CLTRN: variants seen among roughly 807,000 people sequenced by gnomAD.
CLTRN encodes collectrin, amino acid transport regulator.
A neutral mutation model predicts 14.5 loss-of-function variants in CLTRN; 12 were observed. The observed-to-expected ratio is 0.83, with a 90% CI of 0.53 to 1.34. The LOEUF (loss-of-function observed/expected upper bound fraction) is 1.34, where lower values mean the gene tolerates loss of function less well. CLTRN is among the 40% of genes most tolerant of loss of function. The pLI is 0.00. For synonymous variants in CLTRN, 58 were observed against 56.5 expected (o/e 1.03, Z -0.12); for missense variants, 154 against 165.1 (o/e 0.93, Z 0.37).
At chrX:15,635,725 A>G (rs1021024989) in intron 5 of CLTRN, among the ~76,000 whole-genome samples, 8 of 112,173 alleles carry the variant, frequency 7.1e-5, no homozygotes, top group Non-Finnish European at 1.5e-4. Context: ...GGTCTGGGCA[A>G]TGACCCCAAA....
At chrX:15,646,485 CAGAA>C in intron 3 of CLTRN, 2 of 302,806 alleles carry the variant, frequency 6.6e-6, no homozygotes, top group Admixed American at 3.6e-5. Flanking sequence ...ACCCCCGCGC[CAGAA>C]GCACTGGGCC....
intron 1 of CLTRN, among the ~76,000 whole-genome samples, chrX:15,674,478 T>C (rs537445698): frequency 2.7e-5 from 3 of 112,266 alleles, no homozygotes; most frequent in African/African-American, 3.2e-5. Context: ...TTTATCTCCA[T>C]ATCGGGTTAA....
intron 3 of CLTRN, among the ~76,000 whole-genome samples, chrX:15,653,505 C>T (rs1421301893): frequency 1.8e-5 from 2 of 110,956 alleles, no homozygotes; most frequent in Non-Finnish European, 3.8e-5. Flanking sequence ...CTTCTTCCTC[C>T]TCTTTTTCCT....
chrX:15,633,872 C>A (rs1247580731), intron 5 of CLTRN, among the ~76,000 whole-genome samples: 2 of 112,207 alleles, frequency 1.8e-5, no homozygotes, highest in East Asian at 2.8e-4. Flanking sequence ...TAGGCAAGGA[C>A]CATCCATGTT....
chrX:15,651,154 T>C (rs1039253671), intron 3 of CLTRN, among the ~76,000 whole-genome samples: 1 of 111,587 alleles, frequency 9.0e-6, no homozygotes, highest in Admixed American at 9.5e-5. Context: ...TTGTGTCCAC[T>C]GCACCTCAAT....
chrX:15,659,149 G>A, intron 2 of CLTRN, 48 bp from the exon 3 acceptor site: 1 of 706,940 alleles, frequency 1.4e-6, no homozygotes, highest in South Asian at 2.3e-5. Flanking sequence ...ATGGTCCATT[G>A]GTTCTACTTG....
At chrX:15,657,810 A>G (rs981773357) in intron 3 of CLTRN, among the ~76,000 whole-genome samples, 4 of 112,068 alleles carry the variant, frequency 3.6e-5, no homozygotes, top group Non-Finnish European at 5.6e-5. Flanking sequence ...TTTATTATAT[A>G]CCTTCTTTTC....
intron 5 of CLTRN, among the ~76,000 whole-genome samples, chrX:15,634,992 C>A (rs1232511611): frequency 2.7e-5 from 3 of 110,825 alleles, no homozygotes; most frequent in African/African-American, 9.8e-5. Context: ...GCTTTTCCAA[C>A]TTCTTTCCTT....
At chrX:15,641,650 G>GTGTT (rs1299945914) in intron 4 of CLTRN, among the ~76,000 whole-genome samples, 1 of 108,067 alleles carries the variant, frequency 9.3e-6, no homozygotes, top group African/African-American at 3.4e-5. Flanking sequence ...GTGTGTGTGT[G>GTGTT]TGTGTGTGTG....
intron 3 of CLTRN, 98 bp from the exon 4 acceptor site, chrX:15,645,127 T>C (rs756753318): frequency 4.9e-5 from 21 of 429,062 alleles, no homozygotes; most frequent in Non-Finnish European, 7.4e-5. Flanking sequence ...AGAGACATCT[T>C]AGCTATGTTT....
intron 5 of CLTRN, among the ~76,000 whole-genome samples, chrX:15,633,940 C>T (rs910446781): frequency 8.9e-6 from 1 of 111,759 alleles, no homozygotes; most frequent in African/African-American, 3.3e-5. Flanking sequence ...AATGGATGGT[C>T]AATAAAACAA....
In CLTRN at chrX:15,627,500, A is replaced by G. The variant is rs1273593216; in HGVS notation, c.*471T>C. On this transcript the variant is annotated 3_prime_UTR_variant, in exon 6 of 6. Coordinates refer to ENST00000380342, the MANE Select transcript of CLTRN (RefSeq NM_020665.6). ...CCTGTATATGAGTAATTCCATTTTTATCCATCCATTTACAATAATTACTTC... is the reference window on the plus strand; with the variant it reads ...CCTGTATATGAGTAATTCCATTTTTGTCCATCCATTTACAATAATTACTTC... 8.9e-6 allele frequency: 1 copy of G among 112,468 alleles called. No individual in the cohort carries two copies. Among genetic ancestry groups the G allele is most frequent in the Non-Finnish European group, 1.9e-5 (1 of 53,302 alleles). The allele number at this position is 112,468 out of a possible 1,213,427, so 9.3% of individuals were successfully genotyped here.
intron 5 of CLTRN, among the ~76,000 whole-genome samples, chrX:15,631,591 G>C (rs138046206): frequency 2.7e-3 from 306 of 112,497 alleles, no homozygotes; most frequent in African/African-American, 9.3e-3. Flanking sequence ...TAAAAAGGAA[G>C]ATGTAAACAA....
upstream of CLTRN, among the ~76,000 whole-genome samples, chrX:15,666,430 A>G (rs1929623186): frequency 9.0e-6 from 1 of 111,652 alleles, no homozygotes; most frequent in African/African-American, 3.3e-5. Flanking sequence ...ATTCCACCCC[A>G]TTCCTCAAAA....
chrX:15,634,983 C>CT (rs1430538188), intron 5 of CLTRN, among the ~76,000 whole-genome samples: 5 of 109,426 alleles, frequency 4.6e-5, no homozygotes, highest in African/African-American at 1.7e-4. Context: ...AAAAAAATCG[C>CT]TTTTCCAACT....
chrX:15,654,646 T>C (rs762328442), intron 3 of CLTRN, among the ~76,000 whole-genome samples: 2 of 112,351 alleles, frequency 1.8e-5, no homozygotes, highest in East Asian at 2.8e-4. Context: ...AATACAGCAA[T>C]AGCAAAAAAA....
At chrX:15,639,462 A>T in intron 5 of CLTRN, 100 bp downstream of exon 5, 2 of 743,194 alleles carry the variant, frequency 2.7e-6, no homozygotes, top group Non-Finnish European at 4.0e-6. Context: ...TTTCAAATTT[A>T]AGGCATTATC....
intron 1 of CLTRN, 119 bp downstream of exon 1, chrX:15,664,599 C>T (rs1929580480): frequency 1.3e-6 from 1 of 760,535 alleles, no homozygotes; most frequent in African/African-American, 2.1e-5. Context: ...CACTCACTGC[C>T]CCAACTTTCA....
upstream of CLTRN, among the ~76,000 whole-genome samples, chrX:15,668,127 T>C (rs902361886): frequency 2.7e-5 from 3 of 112,483 alleles, no homozygotes; most frequent in Non-Finnish European, 3.8e-5. Flanking sequence ...ACATCCATAA[T>C]ACTACCAGAA....
Sources: allele counts gnomAD v4.1 joint callset (sites outside exome capture counted in the v4.1 genomes callset), GRCh38; gene constraint gnomAD v4.1.1; transcripts MANE v1.5; gene names NCBI Gene and HGNC (gene_info 2026-07-23, HGNC 2026-07-21).